The following KLRG1 variants were observed in gnomAD, a reference collection of about 807,000 sequenced individuals.
KLRG1 encodes killer cell lectin-like receptor subfamily G member 1.
KLRG1 carries 16 observed loss-of-function variants against 21.8 expected under a neutral mutation model. The ratio of observed to expected loss-of-function variants is 0.73; its 90% CI spans 0.50 to 1.11. KLRG1 has a LOEUF of 1.11. Ranked by LOEUF, KLRG1 falls within the 50% of genes most tolerant of loss-of-function variation. The probability of loss-of-function intolerance (pLI) is 0.00; values close to 1 mark genes in which losing one functional copy is unlikely to be tolerated. For synonymous variants in KLRG1, 69 were observed against 75.9 expected (o/e 0.91, Z 0.47); for missense variants, 173 against 218.3 (o/e 0.79, Z 1.31).
chr12:9,120,392 G>C, the KLRG1 span, among the ~76,000 whole-genome samples: 2 of 152,146 alleles, frequency 1.3e-5, no homozygotes, highest in South Asian at 4.1e-4. Context: ...GGAAAAGAAA[G>C]TAGAAGAGCA....
At chr12:8,957,753 C>T (rs368612336) in intron 1 of KLRG1, among the ~76,000 whole-genome samples, 110 of 152,208 alleles carry the variant, frequency 7.2e-4, no homozygotes, top group African/African-American at 2.6e-3. Context: ...GTGTCCCCAG[C>T]GTGTTTCCAC....
chr12:9,162,693 G>T, the KLRG1 span: 3 of 1,443,956 alleles, frequency 2.1e-6, no homozygotes, highest in Admixed American at 3.5e-5. Context: ...AAACATCCTG[G>T]TGACAAGAGA....
intron 2 of KLRG1, among the ~76,000 whole-genome samples, chr12:8,992,946 G>A (rs541821299): frequency 8.6e-5 from 13 of 151,700 alleles, no homozygotes; most frequent in Non-Finnish European, 1.2e-4. Flanking sequence ...TCATAATTTT[G>A]TATATTGCTT....
At chr12:9,112,563 C>G in the KLRG1 span, 1 of 1,612,482 alleles carries the variant, frequency 6.2e-7, no homozygotes, top group Non-Finnish European at 8.5e-7. Flanking sequence ...ATCCTGAAAC[C>G]CCATTCAGCA....
the KLRG1 span, among the ~76,000 whole-genome samples, chr12:9,185,658 GAA>G: frequency 0.86 from 129,051 of 149,860 alleles, 56,270 homozygotes; most frequent in East Asian, 0.97. Flanking sequence ...TGAAATGAAT[GAA>G]AAAAAAAAAA....
the KLRG1 span, among the ~76,000 whole-genome samples, chr12:9,124,606 G>T: frequency 5.6e-4 from 85 of 152,274 alleles, 1 homozygote; most frequent in East Asian, 0.016. Flanking sequence ...GTGCAGCTGC[G>T]GCACCCTCAC....
At chr12:9,137,105 G>T in the KLRG1 span, among the ~76,000 whole-genome samples, 14 of 152,080 alleles carry the variant, frequency 9.2e-5, no homozygotes, top group Admixed American at 8.5e-4. Context: ...TCATTGCCAA[G>T]ACCAAGATCA....
At chr12:9,154,869 A>G in the KLRG1 span, 1 of 1,572,392 alleles carries the variant, frequency 6.4e-7, no homozygotes, top group Non-Finnish European at 8.7e-7. Context: ...AGATAATTGT[A>G]ACTCATCAAT....
the KLRG1 span, among the ~76,000 whole-genome samples, chr12:9,083,090 G>A: frequency 6.6e-6 from 1 of 152,152 alleles, no homozygotes; most frequent in Non-Finnish European, 1.5e-5. Context: ...GTTGTTTCCT[G>A]GGACATGGAT....
At chr12:9,115,510 A>G in the KLRG1 span, 1 of 373,900 alleles carries the variant, frequency 2.7e-6, no homozygotes, top group South Asian at 3.0e-5. Context: ...AATATCTAAA[A>G]TTTATTCTTT....
At chr12:8,967,785 A>G (rs1450816303) in intron 1 of KLRG1, among the ~76,000 whole-genome samples, 3 of 152,208 alleles carry the variant, frequency 2.0e-5, no homozygotes, top group African/African-American at 4.8e-5. Flanking sequence ...CAATAGAAGT[A>G]AAATGTATGA....
the KLRG1 span, among the ~76,000 whole-genome samples, chr12:9,179,691 C>A: frequency 6.6e-6 from 1 of 152,164 alleles, no homozygotes; most frequent in East Asian, 1.9e-4. Flanking sequence ...ACTCCAGTGA[C>A]CAAAAGTGAT....
At chr12:9,020,772 T>C in the KLRG1 span, among the ~76,000 whole-genome samples, 11 of 152,224 alleles carry the variant, frequency 7.2e-5, no homozygotes, top group Non-Finnish European at 4.4e-5. Flanking sequence ...TTTTCTTGGC[T>C]AAATGCCTAG....
chr12:9,190,127 G>A, the KLRG1 span, among the ~76,000 whole-genome samples: 1 of 152,036 alleles, frequency 6.6e-6, no homozygotes, highest in Non-Finnish European at 1.5e-5. Flanking sequence ...TTTGACCCAA[G>A]AATCCCAGTA....
the KLRG1 span, among the ~76,000 whole-genome samples, chr12:9,071,557 T>C: frequency 6.6e-6 from 1 of 152,170 alleles, no homozygotes; most frequent in Non-Finnish European, 1.5e-5. Context: ...AATTTTGCAC[T>C]GAATTGTTGT....
At chr12:9,109,923 A>G in the KLRG1 span, 1 of 1,613,820 alleles carries the variant, frequency 6.2e-7, no homozygotes, top group Admixed American at 1.7e-5. Flanking sequence ...CTTCTGTACC[A>G]CCACCTTGTA....
the KLRG1 span, among the ~76,000 whole-genome samples, chr12:9,185,330 T>G: frequency 2.6e-5 from 4 of 152,036 alleles, no homozygotes; most frequent in African/African-American, 9.7e-5. Flanking sequence ...GGAAAGAATC[T>G]CAGAGCCACA....
the KLRG1 span, among the ~76,000 whole-genome samples, chr12:9,150,081 C>T: frequency 6.6e-6 from 1 of 152,202 alleles, no homozygotes; most frequent in African/African-American, 2.4e-5. Flanking sequence ...GCCTCTCAAA[C>T]TTATTGCTTA....
At chr12:9,109,142 G>A in the KLRG1 span, among the ~76,000 whole-genome samples, 4 of 152,054 alleles carry the variant, frequency 2.6e-5, no homozygotes, top group African/African-American at 7.2e-5. Context: ...TGATAAGAAC[G>A]TGAAAGAAAA....
Sources: gnomAD v4.1 joint callset for allele counts (sites outside exome capture counted in the v4.1 genomes callset) on GRCh38, gnomAD v4.1.1 for gene constraint, MANE v1.5 for transcripts, NCBI Gene and HGNC (gene_info 2026-07-23, HGNC 2026-07-21) for gene names.